Variants in IL1RAPL1 observed in about 807,000 individuals in gnomAD.
IL1RAPL1 encodes interleukin 1 receptor accessory protein like 1.
In IL1RAPL1, 3 loss-of-function variants were observed where a neutral mutation model predicts 48.4. That is an observed-to-expected ratio of 0.06 (90% CI 0.03 to 0.16). The LOEUF is 0.16. Ranked by LOEUF, IL1RAPL1 falls within the 10% of genes least tolerant of loss-of-function variation. The pLI is 1.00. For synonymous variants in IL1RAPL1, 185 were observed against 187.7 expected (o/e 0.99, Z 0.12); for missense variants, 349 against 530.6 (o/e 0.66, Z 3.36).
chrX:29,605,071 AACACACACACACACACACAC>A (rs757087732), intron 5 of IL1RAPL1, among the ~76,000 whole-genome samples: 33 of 65,060 alleles, frequency 5.1e-4, no homozygotes, highest in African/African-American at 7.8e-4. Flanking sequence ...CTAAGTCTTA[AACACACACACACACACACAC>A]ACACACACAC....
chrX:28,609,776 C>A (rs935825283), intron 1 of IL1RAPL1, among the ~76,000 whole-genome samples: 2 of 110,260 alleles, frequency 1.8e-5, no homozygotes, highest in Non-Finnish European at 3.8e-5. Context: ...TCCTTAATGT[C>A]TCTGGTAGAA....
chrX:28,859,807 CAATT>C (rs1460629714), intron 2 of IL1RAPL1, among the ~76,000 whole-genome samples: 1 of 106,946 alleles, frequency 9.4e-6, no homozygotes, highest in Non-Finnish European at 1.9e-5. Flanking sequence ...TATTGTATAT[CAATT>C]ATTTATTGAT....
At chrX:29,553,509 T>C (rs1921887146) in intron 5 of IL1RAPL1, among the ~76,000 whole-genome samples, 4 of 111,872 alleles carry the variant, frequency 3.6e-5, no homozygotes. Context: ...TTAGTGGGCC[T>C]GTGTCCCTGG....
chrX:29,918,241 A>T (rs1434318083), intron 7 of IL1RAPL1, among the ~76,000 whole-genome samples: 80 of 85,681 alleles, frequency 9.3e-4, no homozygotes, highest in African/African-American at 3.5e-3. Flanking sequence ...TTTTTTTTAA[A>T]AAAAAAAAAA....
chrX:29,522,883 A>T (rs1935515893), intron 5 of IL1RAPL1, among the ~76,000 whole-genome samples: 1 of 110,750 alleles, frequency 9.0e-6, no homozygotes, highest in Admixed American at 9.6e-5. Context: ...TTAACTTTTC[A>T]TCTGTGTTCT....
At chrX:29,289,850 G>C (rs1932343928) in intron 3 of IL1RAPL1, among the ~76,000 whole-genome samples, 1 of 111,932 alleles carries the variant, frequency 8.9e-6, no homozygotes, top group South Asian at 3.7e-4. Flanking sequence ...TTTAATTTTG[G>C]TTTCGACATG....
intron 6 of IL1RAPL1, among the ~76,000 whole-genome samples, chrX:29,802,294 G>C (rs191816483): frequency 1.0e-3 from 115 of 112,162 alleles, no homozygotes; most frequent in Middle Eastern, 4.6e-3. Flanking sequence ...ATTTTTAGAT[G>C]AGAAAGTAAA....
intron 2 of IL1RAPL1, among the ~76,000 whole-genome samples, chrX:29,184,564 G>T (rs984614887): frequency 9.0e-6 from 1 of 111,130 alleles, no homozygotes; most frequent in Admixed American, 9.5e-5. Context: ...ACAGAGGCTT[G>T]ATCTGGGCTC....
chrX:28,952,717 GA>G (rs1263440881), intron 2 of IL1RAPL1, among the ~76,000 whole-genome samples: 2 of 111,220 alleles, frequency 1.8e-5, no homozygotes, highest in East Asian at 5.6e-4. Context: ...GAAAAGAAAG[GA>G]AAAGTGTTTT....
At chrX:29,267,037 G>C (rs150227270) in intron 2 of IL1RAPL1, among the ~76,000 whole-genome samples, 50 of 111,680 alleles carry the variant, frequency 4.5e-4, no homozygotes, top group African/African-American at 1.6e-3. Flanking sequence ...TAAACAAATG[G>C]TCTTACCTTT....
chrX:28,886,866 C>T (rs1922644317), intron 2 of IL1RAPL1, among the ~76,000 whole-genome samples: 1 of 110,957 alleles, frequency 9.0e-6, no homozygotes, highest in African/African-American at 3.3e-5. Context: ...ACTCTAAGTA[C>T]GTGCATGAAA....
At chrX:29,792,786 T>G (rs1469106903) in intron 6 of IL1RAPL1, among the ~76,000 whole-genome samples, 1 of 111,109 alleles carries the variant, frequency 9.0e-6, no homozygotes, top group East Asian at 2.8e-4. Context: ...ATTAAGAGAT[T>G]TAGCTGGGTG....
intron 2 of IL1RAPL1, among the ~76,000 whole-genome samples, chrX:29,022,410 TGAAA>T (rs1413340289): frequency 9.8e-5 from 11 of 111,934 alleles, no homozygotes; most frequent in Non-Finnish European, 1.5e-4. Flanking sequence ...ATTTCTTGCT[TGAAA>T]GAGAGATTGC....
intron 2 of IL1RAPL1, among the ~76,000 whole-genome samples, chrX:29,124,100 G>A (rs1050649961): frequency 9.0e-6 from 1 of 111,434 alleles, no homozygotes; most frequent in Non-Finnish European, 1.9e-5. Context: ...TTGGGATGCA[G>A]TTTTCATTTA....
intron 2 of IL1RAPL1, among the ~76,000 whole-genome samples, chrX:29,006,186 G>A (rs1236444440): frequency 2.7e-5 from 3 of 110,485 alleles, no homozygotes; most frequent in Non-Finnish European, 5.7e-5. Flanking sequence ...TGGGTGGAGG[G>A]GTCTTTGTTC....
At chrX:29,898,602 C>G (rs1448679449) in intron 6 of IL1RAPL1, among the ~76,000 whole-genome samples, 2 of 112,061 alleles carry the variant, frequency 1.8e-5, no homozygotes, top group Non-Finnish European at 3.8e-5. Flanking sequence ...AAAGGGCATT[C>G]CCCGTAACAG....
chrX:28,672,874 T>G (rs1325487355), intron 1 of IL1RAPL1, among the ~76,000 whole-genome samples: 3 of 111,483 alleles, frequency 2.7e-5, no homozygotes, highest in Non-Finnish European at 5.7e-5. Flanking sequence ...TCATAGAAGT[T>G]TGTTGTACAG....
At chrX:28,732,990 G>C (rs1363196169) in intron 1 of IL1RAPL1, among the ~76,000 whole-genome samples, 1 of 111,233 alleles carries the variant, frequency 9.0e-6, no homozygotes, top group Admixed American at 9.6e-5. Flanking sequence ...CTACCCGTGT[G>C]AGGATATTGG....
At chrX:28,762,751 A>G (rs1357619451) in intron 1 of IL1RAPL1, among the ~76,000 whole-genome samples, 1 of 106,588 alleles carries the variant, frequency 9.4e-6, no homozygotes, top group East Asian at 3.1e-4. Flanking sequence ...CTTGAACTAG[A>G]TTGTATATAT....
Sources: gnomAD v4.1 joint callset for allele counts (sites outside exome capture counted in the v4.1 genomes callset) on GRCh38, gnomAD v4.1.1 for gene constraint, MANE v1.5 for transcripts, NCBI Gene and HGNC (gene_info 2026-07-23, HGNC 2026-07-21) for gene names.